LBP: variants seen among roughly 807,000 people sequenced by gnomAD.
LBP encodes lipopolysaccharide binding protein.
LBP carries 53 observed loss-of-function variants against 56.6 expected under a neutral mutation model. That is an observed-to-expected ratio of 0.94 (90% confidence interval 0.75 to 1.18). The LOEUF (loss-of-function observed/expected upper bound fraction) is 1.18, where lower values mean the gene tolerates loss of function less well. Ranked by LOEUF, LBP falls within the 50% of genes most tolerant of loss-of-function variation. The pLI is 0.00. For missense variants in LBP, 601 were observed against 598.3 expected (o/e 1.00, Z -0.05); for synonymous variants, 227 against 247.5 (o/e 0.92, Z 0.78).
intron 3 of LBP, 49 bp downstream of exon 3, chr20:38,350,988 G>T (rs376649548): frequency 6.3e-7 from 1 of 1,594,952 alleles, no homozygotes; most frequent in Admixed American, 1.7e-5. Context: ...CTTGGCCTTC[G>T]CCCCATCCTT....
At chr20:38,364,953 G>A (rs970234743) in intron 8 of LBP, among the ~76,000 whole-genome samples, 1 of 152,168 alleles carries the variant, frequency 6.6e-6, no homozygotes, top group Non-Finnish European at 1.5e-5. Flanking sequence ...TTTCTCCCAT[G>A]GCTGGGTGTG....
At chr20:38,366,272 C>T (rs570586525) in intron 8 of LBP, among the ~76,000 whole-genome samples, 21 of 152,204 alleles carry the variant, frequency 1.4e-4, no homozygotes, top group Admixed American at 7.9e-4. Context: ...CTTCTGGCAT[C>T]GTGTTTGGTT....
At chr20:38,376,472 C>T (rs374455990) in intron 14 of LBP, among the ~76,000 whole-genome samples, 153 bp from the exon 15 acceptor site, 1 of 152,092 alleles carries the variant, frequency 6.6e-6, no homozygotes, top group African/African-American at 2.4e-5. Flanking sequence ...TTACGGAGAG[C>T]TTGGGGACTG....
At position 38,354,384 on chromosome 20, in the gene LBP, T is replaced by C; in HGVS notation, c.469T>C (p.Ser157Pro). ...CTCCGGGAGGCCCACAGTTACTGCC[T>C]CCAGCTGCAGCAGTGACATCGCTGA... ...ESSGRPTVTA[S>P]SCSSDIADVE... is the part of the protein sequence containing the mutation. Residue 157 changes from serine to proline, a missense_variant, in exon 4 of 15, where the codon TCC becomes CCC. By Grantham distance (74) the Ser-to-Pro change is moderately conservative (BLOSUM62 -1). Transcript: ENST00000217407. 1 of 1,613,522 alleles carries C rather than the reference T, an allele frequency of 6.2e-7. No individual in the cohort carries two copies.
intron 8 of LBP, among the ~76,000 whole-genome samples, chr20:38,365,711 AAAAAAAATATATATAT>A (rs1218382021): frequency 5.2e-5 from 2 of 38,594 alleles, no homozygotes; most frequent in African/African-American, 9.7e-5. Context: ...AAAAAAAAAA[AAAAAAAATATATATAT>A]ATATATATAT....
At chr20:38,356,420 G>GCGCA (rs1434431819) in intron 5 of LBP, among the ~76,000 whole-genome samples, 2 of 124,888 alleles carry the variant, frequency 1.6e-5, no homozygotes, top group East Asian at 4.8e-4. Context: ...ACACACACGC[G>GCGCA]CACACACACA....
intron 3 of LBP, among the ~76,000 whole-genome samples, chr20:38,351,492 C>G (rs568034326): frequency 3.0e-4 from 46 of 152,100 alleles, no homozygotes; most frequent in Non-Finnish European, 6.0e-4. Flanking sequence ...GCACTTTGAA[C>G]AGTTCTCTGA....
Position 38,354,337 on chromosome 20 carries a change from A to C in LBP, c.422A>C (p.Asn141Thr). 1 of 1,613,566 alleles carries C rather than the reference A, an allele frequency of 6.2e-7. No homozygotes were observed. The highest frequency in any genetic ancestry group is 8.5e-7 in the Non-Finnish European group (1 of 1,179,890). Residue 141 changes from asparagine (N) to threonine (T), a missense_variant, in exon 4 of 15, where the codon AAC becomes ACC. Asn to Thr is a moderately conservative substitution (Grantham distance 65, BLOSUM62 0). Coordinates refer to ENST00000217407, the MANE Select transcript of LBP (RefSeq NM_004139.5). ...VSVKGISISV[N>T]LLLGSESSGR... ...GTCAAGGGCATCAGCATTTCGGTCA[A>C]CCTCCTGTTGGGCAGCGAGTCCTCC...
intron 14 of LBP, 89 bp from the exon 15 acceptor site, chr20:38,376,536 G>A (rs371413491): frequency 1.5e-4 from 179 of 1,205,466 alleles, no homozygotes; most frequent in East Asian, 8.4e-4. Flanking sequence ...CTTGTGTTTC[G>A]TGAGACGTGG....
At chr20:38,351,064 G>A (rs1454460093) in intron 3 of LBP, 125 bp downstream of exon 3, 8 of 1,278,626 alleles carry the variant, frequency 6.3e-6, no homozygotes, top group East Asian at 4.8e-5. Context: ...GTCCAAGCCC[G>A]GAGGTGGCCT....
At chr20:38,348,173 A>T (rs547758019) in intron 1 of LBP, among the ~76,000 whole-genome samples, 1 of 152,282 alleles carries the variant, frequency 6.6e-6, no homozygotes, top group East Asian at 1.9e-4. Flanking sequence ...GGCCCCTCAG[A>T]TCTCGGAACA....
At chr20:38,375,705 T>C (rs1166346108) in intron 14 of LBP, among the ~76,000 whole-genome samples, 2 of 152,244 alleles carry the variant, frequency 1.3e-5, no homozygotes, top group African/African-American at 4.8e-5. Context: ...AAGCATTTTG[T>C]GGTCTATCTG....
At chr20:38,372,238 T>G (rs1255660087) in intron 12 of LBP, among the ~76,000 whole-genome samples, 1 of 152,144 alleles carries the variant, frequency 6.6e-6, no homozygotes, top group East Asian at 1.9e-4. Context: ...CTTTTACCAT[T>G]CCATGATGCT....
chr20:38,360,704 AT>A lies in LBP; in HGVS notation c.592del (p.Cys198AlafsTer3). 1 of 1,611,510 alleles carries A rather than the reference AT, an allele frequency of 6.2e-7. No homozygotes were observed. The highest frequency in any genetic ancestry group is 1.1e-5 in the South Asian group (1 of 91,022). Reference sequence around the variant, plus strand: ...GTCATTCTCTTCCCATGTTTTTCAGATTTGCGAAATGATCCAGAAATCAGTG... The same window carrying A: ...GTCATTCTCTTCCCATGTTTTTCAGATTGCGAAATGATCCAGAAATCAGTG... ...SKFQKVLESR[I>X]CEMIQKSVSS... On this transcript the variant is annotated frameshift_variant and splice_region_variant, in exon 6 of 15. Transcript: ENST00000217407. LOFTEE classifies it high-confidence loss of function.
chr20:38,368,857 G>A, intron 9 of LBP, 138 bp from the exon 10 acceptor site: 1 of 818,556 alleles, frequency 1.2e-6, no homozygotes, highest in Non-Finnish European at 2.0e-6. Flanking sequence ...TTGCCACTAG[G>A]AGAAAAAGGC....
At chr20:38,352,616 G>C (rs1054796073) in intron 3 of LBP, among the ~76,000 whole-genome samples, 1 of 152,126 alleles carries the variant, frequency 6.6e-6, no homozygotes, top group Non-Finnish European at 1.5e-5. Context: ...TTAGCTGGGC[G>C]TAGTGGCGCA....
intron 3 of LBP, among the ~76,000 whole-genome samples, chr20:38,353,504 T>TGC (rs2076827797): frequency 7.1e-6 from 1 of 140,456 alleles, no homozygotes; most frequent in Admixed American, 7.2e-5. Flanking sequence ...TTTTTTTTTT[T>TGC]TTTGCTACTG....
In LBP at chr20:38,367,319, C is replaced by A. The variant is rs117596623; in HGVS notation, c.981+491C>A. Among the ~76,000 whole-genome samples the A allele has an allele frequency of 1.8e-4, 28 of 151,994 alleles. No individual in the cohort carries two copies. The East Asian group carries it at 4.8e-3, about 26-fold the overall frequency. On this transcript the variant is annotated intron_variant, in intron 9 of 14. Transcript: ENST00000217407. ...AAATACAAAAATTAGCCAAGCGTAG[C>A]GGCACATAGCTGTAGTCCCAGCCAC...
chr20:38,376,560 C>A, intron 14 of LBP, 65 bp from the exon 15 acceptor site: 1 of 1,449,402 alleles, frequency 6.9e-7, no homozygotes, highest in Non-Finnish European at 9.7e-7. Context: ...CCCTTTCAAT[C>A]GCAGATGCAT....
Sources: allele counts gnomAD v4.1 joint callset (sites outside exome capture counted in the v4.1 genomes callset), GRCh38; gene constraint gnomAD v4.1.1; transcripts MANE v1.5; gene names NCBI Gene and HGNC (gene_info 2026-07-23, HGNC 2026-07-21).